ABCA3: variants seen among roughly 807,000 people sequenced by gnomAD.
The protein encoded by ABCA3 is ATP binding cassette subfamily A member 3.
ABCA3 carries 88 observed loss-of-function variants against 172.8 expected under a neutral mutation model. That is an observed-to-expected ratio of 0.51 (90% CI 0.43 to 0.61). The LOEUF (loss-of-function observed/expected upper bound fraction) is 0.61, where lower values mean the gene tolerates loss of function less well. Ranked by LOEUF, ABCA3 falls within the 20% of genes least tolerant of loss-of-function variation. ABCA3 has a pLI of 0.00. For missense variants in ABCA3, 2,164 were observed against 2,301.0 expected (o/e 0.94, Z 1.22); for synonymous variants, 1,066 against 983.8 (o/e 1.08, Z -1.56).
rs1295629195 is a variant in ABCA3 at position 2,276,707 on chromosome 16, G to A, written c.5082C>T (p.His1694=). Residue 1694 remains histidine, a synonymous_variant, in exon 33 of 33, where the codon CAC becomes CAT. Transcript: ENST00000301732. ...SLEQVFLSFA[H]LQPPTAEEGR is the part of the protein sequence containing the mutation. ...CCTCCTCTGCGGTGGGCGGCTGCAG[G>A]TGGGCGAAGCTCAGGAAGACCTGTT... The A allele has an allele frequency of 6.2e-7, 1 of 1,613,642 alleles. No individual in the cohort carries two copies. Among genetic ancestry groups the A allele is most frequent in the Non-Finnish European group, 8.5e-7 (1 of 1,180,058 alleles).
At chr16:2,299,929 G>A (rs759441408) in intron 13 of ABCA3, 76 bp downstream of exon 13, 63 of 1,590,778 alleles carry the variant, frequency 4.0e-5, no homozygotes, top group Non-Finnish European at 5.4e-5. Context: ...GGGCTATGAG[G>A]TCTCACTGCC....
At chr16:2,300,970 C>T (rs2093688025) in intron 12 of ABCA3, among the ~76,000 whole-genome samples, 1 of 150,224 alleles carries the variant, frequency 6.7e-6, no homozygotes, top group East Asian at 1.9e-4. Context: ...GTGGCTCGAG[C>T]CTGTAATCCC....
chr16:2,320,538 C>T (rs1450524731), intron 7 of ABCA3, among the ~76,000 whole-genome samples: 6 of 151,850 alleles, frequency 4.0e-5, no homozygotes, highest in African/African-American at 1.5e-4. Flanking sequence ...TACAGGTGCA[C>T]ACCACCACGC....
rs374280659 is a variant in ABCA3, at chr16:2,319,734, C to G, written c.720G>C (p.Val240=). ...GCGGGTACGGGAACCTCTTGATGGT[C>G]ACCGTCAGTCTCTGGAACAGCTGGC... ...ATRQLFQRLT[V]TIKRFPYPPF... is the part of the protein sequence containing the mutation. Residue 240 remains valine, a synonymous_variant, in exon 8 of 33, where the codon GTG becomes GTC. Coordinates refer to ENST00000301732, the MANE Select transcript of ABCA3 (RefSeq NM_001089.3). 6.4e-5 allele frequency: 103 copies of G among 1,613,794 alleles called. No individual in the cohort carries two copies. Among genetic ancestry groups the G allele is most frequent in the Non-Finnish European group, 8.7e-5 (103 of 1,180,008 alleles).
chr16:2,304,328 T>TA (rs2093694146), intron 11 of ABCA3, among the ~76,000 whole-genome samples, 178 bp from the exon 12 acceptor site: 1 of 152,156 alleles, frequency 6.6e-6, no homozygotes, highest in Admixed American at 6.5e-5. Context: ...GCCTGGAAGA[T>TA]AAACTCAGGT....
At chr16:2,317,232 A>T in intron 10 of ABCA3, 51 bp downstream of exon 10, 1 of 1,611,204 alleles carries the variant, frequency 6.2e-7, no homozygotes, top group South Asian at 1.1e-5. Context: ...TTCCATGCAG[A>T]TGGCCCTTGG....
intron 1 of ABCA3, among the ~76,000 whole-genome samples, chr16:2,330,784 C>T (rs1407360895): frequency 1.3e-5 from 2 of 150,762 alleles, no homozygotes; most frequent in East Asian, 1.9e-4. Context: ...CTGCAAACTC[C>T]GCCTCCCAGG....
At position 2,315,203 on chromosome 16, in the gene ABCA3, T is replaced by TACACACACAC. The variant is rs377647001; in HGVS notation, c.1111+2070_1111+2079dup. ...CGGTCATAAATTGTTGTATGTATTT[T>TACACACACAC]ACACACACACACACACACACACACA... is the stretch of plus-strand genomic sequence containing the variant. On this transcript the variant is annotated intron_variant, in intron 10 of 32. Coordinates refer to ENST00000301732, the MANE Select transcript of ABCA3 (RefSeq NM_001089.3). 7.6e-4 allele frequency among the ~76,000 whole-genome samples: 105 copies of TACACACACAC among 138,498 alleles called. 1 individual carries two copies. The highest frequency in any genetic ancestry group is 3.0e-3 in the South Asian group (13 of 4,278). The allele number at this position is 138,498 out of a possible 152,430, so 90.9% of individuals were successfully genotyped here. A position where few individuals can be genotyped will look rare whatever the true frequency, so the allele number is the denominator to read the frequency against.
rs953605596 is a variant in ABCA3 at position 2,285,758 on chromosome 16, A to G, written c.3279-112T>C. The G allele has an allele frequency of 1.9e-5, 19 of 1,013,780 alleles. No homozygotes were observed. In the African/African-American group the frequency reaches 2.4e-4, roughly 13 times the overall value. 62.8% of individuals were successfully genotyped at this position (1,013,780 alleles called of 1,614,324 possible). On this transcript the variant is annotated intron_variant, in intron 22 of 32. Coordinates refer to ENST00000301732, the MANE Select transcript of ABCA3 (RefSeq NM_001089.3). The surrounding 1 kb of genome is among the most constrained non-coding windows in gnomAD (Gnocchi z 4.7). ...CATGCAGGGCAGCAGCCCAACCACT[A>G]AAGGGGCTTATGGGAGAGCACAAGC...
In ABCA3 at chr16:2,281,115, G is replaced by A. The variant is rs369872536; in HGVS notation, c.4271C>T (p.Thr1424Met). ...CTCCCCGGTCAGCATTTTGAAAGTC[G>A]TGGTCTTCCCGGCTCCATTGAAGCC... ...LLGFNGAGKT[T>M]TFKMLTGEES... The change falls in exon 28 of 33, where the codon ACG becomes ATG. Residue 1424 changes from threonine (T) to methionine (M), a missense_variant. By Grantham distance (81) the Thr-to-Met change is moderately conservative. This residue lies in a region of ABCA3 where 795 missense variants were observed against 881.9 expected (regional missense o/e 0.90). Transcript: ENST00000301732. The surrounding 1 kb of genome is among the most constrained non-coding windows in gnomAD (Gnocchi z 4.7). The A allele has an allele frequency of 2.5e-6, 4 of 1,613,852 alleles. No individual in the cohort carries two copies. The highest frequency in any genetic ancestry group is 1.7e-5 in the Admixed American group (1 of 60,000).
In ABCA3 at chr16:2,284,323, T is replaced by C. The variant is rs1471507384; in HGVS notation, c.3818A>G (p.Tyr1273Cys). The C allele has an allele frequency of 6.2e-7, 1 of 1,613,876 alleles. No homozygotes were observed. The highest frequency in any genetic ancestry group is 1.1e-5 in the South Asian group (1 of 91,090). Reference sequence around the variant, plus strand: ...GGCGGCGACCTCGGAGGAGGTGCAGTACCTCCGCGTCTCGTAGTTCTCGTA... The same window carrying C: ...GGCGGCGACCTCGGAGGAGGTGCAGCACCTCCGCGTCTCGTAGTTCTCGTA... ...SFYENYETRR[Y>C]CTSSEVAAHY... Residue 1273 changes from tyrosine (Y) to cysteine (C), a missense_variant, in exon 25 of 33, where the codon TAC (tyrosine) becomes TGC (cysteine). Around this residue, in one of 3 missense-constraint regions of ABCA3, gnomAD observed 795 missense variants for 881.9 expected, o/e 0.90. Transcript: ENST00000301732. This position sits in a 1 kb window ranked among gnomAD's most constrained non-coding sequence, Gnocchi z 5.9.
intron 19 of ABCA3, among the ~76,000 whole-genome samples, chr16:2,291,452 C>T (rs1033705599): frequency 5.3e-5 from 8 of 152,174 alleles, no homozygotes; most frequent in African/African-American, 1.4e-4. Context: ...GCCCAGCCCC[C>T]ATGCAGTTCT....
intron 18 of ABCA3, among the ~76,000 whole-genome samples, chr16:2,293,785 C>T (rs944867329): frequency 4.6e-5 from 7 of 151,844 alleles, no homozygotes; most frequent in African/African-American, 1.7e-4. Context: ...TCGTGATCCA[C>T]CCGCTTCGGC....
In ABCA3 at chr16:2,333,800, T is replaced by C. The variant is rs1025019991; in HGVS notation, c.-538-3946A>G. ...GCCTCCTGGGTTCAAGCGATTCTGC[T>C]GCCTCAGCCTCCTGAGTAGCTGGGA... On this transcript the variant is annotated intron_variant, in intron 1 of 32. Transcript: ENST00000301732. Among the ~76,000 whole-genome samples, 15 of 152,084 alleles carry C rather than the reference T, an allele frequency of 9.9e-5. No individual in the cohort carries two copies. The South Asian group carries it at 2.9e-3, about 29-fold the overall frequency.
chr16:2,287,018 C>T lies in ABCA3; in HGVS notation c.3005-51G>A, dbSNP rs1303940600. The T allele has an allele frequency of 2.5e-6, 4 of 1,579,742 alleles. No homozygotes were observed. Among genetic ancestry groups the T allele is most frequent in the Non-Finnish European group, 2.6e-6 (3 of 1,162,608 alleles). The stretch of plus-strand genomic sequence containing the variant: ...GACACAGGAAGAGGTGACACCTGGG[C>T]ACCCCCTGCCACCTGAGCATGGCTA... On this transcript the variant is annotated intron_variant, in intron 21 of 32. Coordinates refer to ENST00000301732, the MANE Select transcript of ABCA3 (RefSeq NM_001089.3). This position sits in a 1 kb window ranked among gnomAD's most constrained non-coding sequence, Gnocchi z 4.1.
chr16:2,324,025 A>G (rs1292123946), intron 6 of ABCA3, among the ~76,000 whole-genome samples: 2 of 152,246 alleles, frequency 1.3e-5, no homozygotes, highest in African/African-American at 4.8e-5. Context: ...TCAGGCAAGC[A>G]AAAACCTCAC....
intron 10 of ABCA3, among the ~76,000 whole-genome samples, chr16:2,317,064 C>T (rs1018950806): frequency 6.6e-6 from 1 of 152,222 alleles, no homozygotes; most frequent in Admixed American, 6.5e-5. Flanking sequence ...TGCTGGACAG[C>T]ACTCGGCATG....
In ABCA3 at chr16:2,340,561, G is replaced by A. The variant is rs1262958069; in HGVS notation, c.-539+12C>T. On this transcript the variant is annotated intron_variant, in intron 1 of 32. Transcript: ENST00000301732. ...AACGAGCGCGCGAGCGGCGGGTCCC[G>A]GCGGCACTCACCGAGCCTGGGCGCC... 1.3e-5 allele frequency: 2 copies of A among 148,800 alleles called. No homozygotes were observed. The highest frequency in any genetic ancestry group is 4.9e-5 in the African/African-American group (2 of 41,066). 9.2% of individuals were successfully genotyped at this position (148,800 alleles called of 1,614,324 possible).
chr16:2,305,341 G>C (rs1024672996), intron 11 of ABCA3, among the ~76,000 whole-genome samples: 8 of 152,126 alleles, frequency 5.3e-5, no homozygotes, highest in East Asian at 1.9e-4. Context: ...TCTGTTGCCA[G>C]GCTGGAGTGC....
Sources: allele counts gnomAD v4.1 joint callset (sites outside exome capture counted in the v4.1 genomes callset), GRCh38; gene constraint gnomAD v4.1.1; regional missense constraint gnomAD v4.1.1; non-coding constraint Gnocchi (gnomAD v3.1); transcripts MANE v1.5; gene names NCBI Gene and HGNC (gene_info 2026-07-23, HGNC 2026-07-21).